Variants in SMYD3 observed in about 807,000 individuals in gnomAD.
SMYD3 encodes SET and MYND domain containing 3.
SMYD3 carries 36 observed loss-of-function variants against 57.7 expected under a neutral mutation model. The observed-to-expected ratio is 0.62, with a 90% CI of 0.48 to 0.82. The LOEUF (loss-of-function observed/expected upper bound fraction) is 0.82. SMYD3 is among the 40% of genes least tolerant of loss of function. The probability of loss-of-function intolerance (pLI) is 0.00; values close to 1 mark genes in which losing one functional copy is unlikely to be tolerated. For synonymous variants in SMYD3, 211 were observed against 195.0 expected (o/e 1.08, Z -0.68); for missense variants, 515 against 538.8 (o/e 0.96, Z 0.44).
chr1:246,151,747 A>G (rs1411076796), intron 5 of SMYD3, among the ~76,000 whole-genome samples: 1 of 152,218 alleles, frequency 6.6e-6, no homozygotes, highest in Non-Finnish European at 1.5e-5. Context: ...ATTCAATACC[A>G]TACAGAGGTA....
chr1:246,030,112 A>C (rs2059645618), intron 5 of SMYD3, among the ~76,000 whole-genome samples: 3 of 151,946 alleles, frequency 2.0e-5, no homozygotes, highest in Admixed American at 6.6e-5. Flanking sequence ...AATCAACCTA[A>C]ATATCCATCA....
chr1:245,982,768 T>G (rs747905261), intron 5 of SMYD3, among the ~76,000 whole-genome samples: 1 of 152,202 alleles, frequency 6.6e-6, no homozygotes, highest in Non-Finnish European at 1.5e-5. Flanking sequence ...AGACAAGAAT[T>G]GACTCACTGG....
intron 5 of SMYD3, among the ~76,000 whole-genome samples, chr1:246,133,478 T>C (rs1228147002): frequency 6.6e-6 from 1 of 152,152 alleles, no homozygotes; most frequent in East Asian, 1.9e-4. Context: ...AAACTTATTA[T>C]CTAATGATAG....
In SMYD3 at chr1:246,326,449, T is replaced by A. The variant is rs146395457; in HGVS notation, c.531+752A>T. 317 of 650,786 alleles carry A rather than the reference T, an allele frequency of 4.9e-4. No individual in the cohort carries two copies. The African/African-American group carries it at 5.4e-3, about 11-fold the overall frequency. 40.3% of individuals were successfully genotyped at this position (650,786 alleles called of 1,614,324 possible). A position where few individuals can be genotyped will look rare whatever the true frequency, so the allele number is the denominator to read the frequency against. The stretch of plus-strand genomic sequence containing the variant: ...CGCACTCTTCCTCCCTAGGCCAAGA[T>A]AAACCCTCGGAATCATTTAAAAAAA... On this transcript the variant is annotated intron_variant, in intron 5 of 11. Coordinates refer to ENST00000490107, the MANE Select transcript of SMYD3 (RefSeq NM_001167740.2).
intron 6 of SMYD3, among the ~76,000 whole-genome samples, chr1:245,929,511 C>T (rs780914458): frequency 1.6e-4 from 25 of 152,100 alleles, no homozygotes; most frequent in East Asian, 3.9e-4. Flanking sequence ...CTGATACGTA[C>T]GGCAAGTCCG....
intron 2 of SMYD3, among the ~76,000 whole-genome samples, chr1:246,342,253 T>A (rs1035763427): frequency 6.6e-6 from 1 of 152,216 alleles, no homozygotes; most frequent in Admixed American, 6.5e-5. Flanking sequence ...GTGATTTTTT[T>A]CCTACATATT....
chr1:246,445,114 A>T (rs183438492), intron 1 of SMYD3, among the ~76,000 whole-genome samples: 1 of 152,370 alleles, frequency 6.6e-6, no homozygotes, highest in East Asian at 1.9e-4. Context: ...ATTAAATGAA[A>T]TAACACAAGG....
chr1:246,020,043 C>CAATTCT (rs2059445287), intron 5 of SMYD3, among the ~76,000 whole-genome samples: 1 of 152,188 alleles, frequency 6.6e-6, no homozygotes, highest in Non-Finnish European at 1.5e-5. Context: ...CACAAGTATT[C>CAATTCT]AATTCTCAGA....
At chr1:245,793,482 G>C (rs1355996835) in intron 10 of SMYD3, among the ~76,000 whole-genome samples, 2 of 152,034 alleles carry the variant, frequency 1.3e-5, no homozygotes, top group Non-Finnish European at 2.9e-5. Context: ...GCTCCGGCTT[G>C]CTTCGTCTCT....
At chr1:246,439,291 T>A (rs1339981003) in intron 1 of SMYD3, among the ~76,000 whole-genome samples, 1 of 152,128 alleles carries the variant, frequency 6.6e-6, no homozygotes, top group Non-Finnish European at 1.5e-5. Context: ...CCTGGCTGCA[T>A]CCACAGATGT....
intron 1 of SMYD3, among the ~76,000 whole-genome samples, chr1:246,370,232 G>GTTAA (rs2066172518): frequency 6.6e-6 from 1 of 152,184 alleles, no homozygotes; most frequent in Non-Finnish European, 1.5e-5. Flanking sequence ...CAGTGGAGAG[G>GTTAA]GTAATGCAGT....
intron 1 of SMYD3, among the ~76,000 whole-genome samples, chr1:246,394,696 G>A (rs2066628548): frequency 6.6e-6 from 1 of 151,562 alleles, no homozygotes; most frequent in Non-Finnish European, 1.5e-5. Context: ...TATGCTTTAT[G>A]ATATAAGAGA....
chr1:246,023,299 C>A (rs7512038), intron 5 of SMYD3, among the ~76,000 whole-genome samples: 13,424 of 152,254 alleles, frequency 0.088, 1,751 homozygotes, highest in African/African-American at 0.28. Context: ...TCTGTCTGTG[C>A]ATAACTGTGG....
chr1:245,961,065 G>T (rs898513835), intron 5 of SMYD3, among the ~76,000 whole-genome samples: 3 of 152,158 alleles, frequency 2.0e-5, no homozygotes, highest in Admixed American at 6.5e-5. Flanking sequence ...ACTACCAAGG[G>T]AAGGCAGAGT....
At chr1:246,326,540 G>A (rs139780901) in intron 5 of SMYD3, 12,461 of 499,496 alleles carry the variant, frequency 0.025, 237 homozygotes, top group Non-Finnish European at 0.033. Flanking sequence ...TTGGGAGGCC[G>A]AGGCGGGTGG....
In SMYD3 at chr1:246,355,297, C is replaced by CT; in HGVS notation, c.165-204dup. On this transcript the variant is annotated intron_variant, in intron 1 of 11. Transcript: ENST00000490107. The surrounding 1 kb of genome is among the most constrained non-coding windows in gnomAD (Gnocchi z 5.0). ...GAGACACTGATAGAAAAACTAAGTCCTTTTGTCTGACAGAAGATGGCGGGG... is the reference window on the plus strand; with the variant it reads ...GAGACACTGATAGAAAAACTAAGTCCTTTTTGTCTGACAGAAGATGGCGGGG... 7.3e-6 allele frequency: 4 copies of CT among 546,522 alleles called. No homozygotes were observed. The highest frequency in any genetic ancestry group is 9.7e-6 in the Non-Finnish European group (3 of 308,106). 33.9% of individuals were successfully genotyped at this position (546,522 alleles called of 1,614,324 possible).
intron 5 of SMYD3, among the ~76,000 whole-genome samples, chr1:246,063,886 C>T (rs564646939): frequency 2.0e-5 from 3 of 152,130 alleles, no homozygotes; most frequent in Non-Finnish European, 2.9e-5. Context: ...GTGATCCACC[C>T]GCTTCAACCT....
intron 8 of SMYD3, among the ~76,000 whole-genome samples, chr1:245,904,625 G>C (rs1325368773): frequency 6.6e-6 from 1 of 152,122 alleles, no homozygotes; most frequent in East Asian, 1.9e-4. Context: ...GAGGGCCAAA[G>C]TACTGTTGGC....
chr1:246,279,147 G>A (rs991094810), intron 5 of SMYD3, among the ~76,000 whole-genome samples: 2 of 152,148 alleles, frequency 1.3e-5, no homozygotes, highest in African/African-American at 2.4e-5. Flanking sequence ...CTTCTGTGGA[G>A]ACACACACCC....
Sources: gnomAD v4.1 joint callset for allele counts (sites outside exome capture counted in the v4.1 genomes callset) on GRCh38, gnomAD v4.1.1 for gene constraint, Gnocchi (gnomAD v3.1) non-coding constraint, MANE v1.5 for transcripts, NCBI Gene and HGNC (gene_info 2026-07-23, HGNC 2026-07-21) for gene names.